The following MPHOSPH10 variants were observed in gnomAD, a reference collection of about 807,000 sequenced individuals.
MPHOSPH10 encodes M-phase phosphoprotein 10.
In MPHOSPH10, 33 loss-of-function variants were observed where a neutral mutation model predicts 77.3. The ratio of observed to expected loss-of-function variants is 0.43; its 90% CI spans 0.32 to 0.57. The LOEUF is 0.57. Ranked by LOEUF, MPHOSPH10 falls within the 20% of genes least tolerant of loss-of-function variation. The pLI is 0.07. For synonymous variants in MPHOSPH10, 245 were observed against 268.0 expected (o/e 0.91, Z 0.84); for missense variants, 708 against 780.1 (o/e 0.91, Z 1.10).
Position 71,134,806 on chromosome 2 carries a change from T to C in MPHOSPH10, c.1098+9T>C, listed in dbSNP as rs766442053. On this transcript the variant is annotated intron_variant, in intron 4 of 10. Coordinates refer to ENST00000244230, the MANE Select transcript of MPHOSPH10 (RefSeq NM_005791.3). ...AAAAAAGACAGGAAAAGGTAATTAG[T>C]AATTTAAGGAATTTTTAATATACTT... 1.1e-5 allele frequency: 17 copies of C among 1,533,686 alleles called. No homozygotes were observed. Among genetic ancestry groups the C allele is most frequent in the Non-Finnish European group, 1.3e-5 (15 of 1,126,708 alleles).
intron 5 of MPHOSPH10, chr2:71,139,536 T>C: frequency 3.8e-6 from 1 of 260,102 alleles, no homozygotes. Context: ...CTGGGTACCT[T>C]GGGTAAAGTA....
intron 8 of MPHOSPH10, among the ~76,000 whole-genome samples, chr2:71,147,689 G>A (rs530437786): frequency 5.0e-4 from 76 of 150,896 alleles, no homozygotes; most frequent in African/African-American, 1.8e-3. Context: ...AAAAAAAAAA[G>A]AAAAAGAAAT....
intron 8 of MPHOSPH10, among the ~76,000 whole-genome samples, chr2:71,146,997 A>T (rs1430563075): frequency 6.6e-6 from 1 of 152,230 alleles, no homozygotes; most frequent in Non-Finnish European, 1.5e-5. Flanking sequence ...TCTGAAGCAG[A>T]TGGTCCTTCA....
At chr2:71,149,764 T>G in intron 10 of MPHOSPH10, 102 bp from the exon 11 acceptor site, 1 of 1,025,904 alleles carries the variant, frequency 9.7e-7, no homozygotes. Flanking sequence ...CTTTTTCATA[T>G]TTATGGTTGC....
At chr2:71,146,084 T>C (rs1457685282) in intron 8 of MPHOSPH10, among the ~76,000 whole-genome samples, 2 of 152,230 alleles carry the variant, frequency 1.3e-5, no homozygotes, top group Non-Finnish European at 2.9e-5. Flanking sequence ...ACTGTTCCAC[T>C]CTGTTCCTCG....
intron 1 of MPHOSPH10, among the ~76,000 whole-genome samples, chr2:71,131,054 C>T (rs1227584116): frequency 1.3e-5 from 2 of 152,204 alleles, no homozygotes; most frequent in East Asian, 1.9e-4. Context: ...GTTGGTTTCT[C>T]CTTCCTCCTA....
chr2:71,133,183 T>C lies in MPHOSPH10; in HGVS notation c.375T>C (p.Asp125=), dbSNP rs758645174. The change falls in exon 2 of 11, where the codon GAT becomes GAC. Residue 125 remains aspartate (D), a synonymous_variant. Transcript: ENST00000244230. ...AGGATGGTTCAGAGATAGAGGCTGATGACAAGGAGGACCTAGAAGATTTAG... is the reference window on the plus strand; with the variant it reads ...AGGATGGTTCAGAGATAGAGGCTGACGACAAGGAGGACCTAGAAGATTTAG... ...REEDGSEIEA[D]DKEDLEDLEE... 4 of 1,614,130 alleles carry C rather than the reference T, an allele frequency of 2.5e-6. No individual in the cohort carries two copies. Among genetic ancestry groups the C allele is most frequent in the Non-Finnish European group, 3.4e-6 (4 of 1,180,010 alleles).
chr2:71,144,338 A>AC (rs1673668430), intron 7 of MPHOSPH10, 90 bp from the exon 8 acceptor site: 1 of 939,748 alleles, frequency 1.1e-6, no homozygotes, highest in African/African-American at 1.7e-5. Context: ...AGTGATGAGA[A>AC]GTTAGAAATA....
chr2:71,146,213 T>A (rs901907909), intron 8 of MPHOSPH10, among the ~76,000 whole-genome samples: 10 of 152,198 alleles, frequency 6.6e-5, no homozygotes, highest in African/African-American at 2.4e-4. Context: ...CTTTTTTCCC[T>A]TAAGAAATGT....
Position 71,138,877 on chromosome 2 carries a change from A to G in MPHOSPH10, c.1240+246A>G, listed in dbSNP as rs141144193. 9.6e-3 allele frequency: 5,869 copies of G among 612,364 alleles called. 153 individuals carry two copies. The highest frequency in any genetic ancestry group is 0.063 in the African/African-American group (3,411 of 54,248). 37.9% of individuals were successfully genotyped at this position (612,364 alleles called of 1,614,324 possible). A position where few individuals can be genotyped will look rare whatever the true frequency, so the allele number is the denominator to read the frequency against. On this transcript the variant is annotated intron_variant, in intron 5 of 10. Transcript: ENST00000244230. ...TGGTGAAACCCCGTCTCTACTAAAA[A>G]TACAAAAATCAGCCAGATACGGTGG... is the stretch of plus-strand genomic sequence containing the variant.
chr2:71,132,504 T>C (rs1673407743), intron 1 of MPHOSPH10, among the ~76,000 whole-genome samples: 1 of 152,238 alleles, frequency 6.6e-6, no homozygotes, highest in Admixed American at 6.5e-5. Context: ...ATCTGTAGGT[T>C]TCCTCTCAGA....
At position 71,132,916 on chromosome 2, in the gene MPHOSPH10, A is replaced by G. The variant is rs1673415023; in HGVS notation, c.108A>G (p.Ala36=). 2 of 1,609,024 alleles carry G rather than the reference A, an allele frequency of 1.2e-6. No homozygotes were observed. Among genetic ancestry groups the G allele is most frequent in the African/African-American group, 1.3e-5 (1 of 74,648 alleles). Residue 36 remains alanine, a synonymous_variant, in exon 2 of 11, where the codon GCA becomes GCG. Coordinates refer to ENST00000244230, the MANE Select transcript of MPHOSPH10 (RefSeq NM_005791.3). ...ECFLTIQEGL[A]SKFTSLTKVL... ...CCAATAGGATTCAAGAGGGATTGGC[A>G]TCAAAGTTCACTTCTTTAACAAAAG...
At chr2:71,134,934 A>G (rs1020991725) in intron 4 of MPHOSPH10, 137 bp downstream of exon 4, 1 of 674,032 alleles carries the variant, frequency 1.5e-6, no homozygotes, top group Non-Finnish European at 2.4e-6. Flanking sequence ...TGGTAGTCCA[A>G]AGCAAGAGGA....
intron 1 of MPHOSPH10, 24 bp downstream of exon 1, chr2:71,130,778 G>T (rs1251307658): frequency 6.3e-7 from 1 of 1,589,294 alleles, no homozygotes; most frequent in East Asian, 2.3e-5. Context: ...TCCCGGGCTC[G>T]GGGTGCGACC....
chr2:71,137,656 CAAA>C (rs60072810), intron 4 of MPHOSPH10, among the ~76,000 whole-genome samples: 2 of 46,352 alleles, frequency 4.3e-5, no homozygotes, highest in African/African-American at 7.4e-5. Flanking sequence ...GAGACTGTCT[CAAA>C]AAAAAAAAAA....
At chr2:71,137,944 T>A (rs1024342988) in intron 4 of MPHOSPH10, among the ~76,000 whole-genome samples, 5 of 151,954 alleles carry the variant, frequency 3.3e-5, no homozygotes, top group African/African-American at 1.2e-4. Flanking sequence ...AATACAAAAA[T>A]TAGCCGGGCG....
intron 4 of MPHOSPH10, among the ~76,000 whole-genome samples, chr2:71,137,707 T>G (rs561256408): frequency 2.0e-5 from 3 of 151,164 alleles, no homozygotes; most frequent in African/African-American, 7.3e-5. Flanking sequence ...TGTATTTATA[T>G]TCCACTAAGA....
rs762436327 is a variant in MPHOSPH10, at chr2:71,144,554, G to A, written c.1557+16G>A. 1 of 1,568,418 alleles carries A rather than the reference G, an allele frequency of 6.4e-7. No homozygotes were observed. Among genetic ancestry groups the A allele is most frequent in the Admixed American group, 1.7e-5 (1 of 59,636 alleles). ...CCCTAAACCGGTAAGTGTGTTAACA[G>A]TTCAGTGTGTAGCTAGAGCAGGGTG... On this transcript the variant is annotated intron_variant, in intron 8 of 10. Transcript: ENST00000244230.
chr2:71,134,804 A>C lies in MPHOSPH10; in HGVS notation c.1098+7A>C. On this transcript the variant is annotated splice_region_variant and intron_variant, in intron 4 of 10. Transcript: ENST00000244230. ...TGAAAAAAGACAGGAAAAGGTAATT[A>C]GTAATTTAAGGAATTTTTAATATAC... 1 of 1,540,654 alleles carries C rather than the reference A, an allele frequency of 6.5e-7. No homozygotes were observed. The highest frequency in any genetic ancestry group is 1.4e-5 in the African/African-American group (1 of 71,850).
Sources: gnomAD v4.1 joint callset for allele counts (sites outside exome capture counted in the v4.1 genomes callset) on GRCh38, gnomAD v4.1.1 for gene constraint, MANE v1.5 for transcripts, NCBI Gene and HGNC (gene_info 2026-07-23, HGNC 2026-07-21) for gene names.